Variants in COPB1 observed in about 807,000 individuals in gnomAD.
The protein encoded by COPB1 is coatomer subunit beta.
A neutral mutation model predicts 108.7 loss-of-function variants in COPB1; 21 were observed. That is an observed-to-expected ratio of 0.19 (90% CI 0.14 to 0.28). The LOEUF is 0.28. Among genes scored for constraint, COPB1 ranks in the 10% least tolerant of loss-of-function variants. The pLI, the probability that COPB1 is intolerant of heterozygous loss-of-function variation, is 1.00. For missense variants in COPB1, 919 were observed against 1,141.3 expected (o/e 0.81, Z 2.81); for synonymous variants, 378 against 386.8 (o/e 0.98, Z 0.27).
chr11:14,458,615 C>T lies in COPB1; in HGVS notation c.2719G>A (p.Ala907Thr). 6.2e-7 allele frequency: 1 copy of T among 1,613,908 alleles called. No individual in the cohort carries two copies. Among genetic ancestry groups the T allele is most frequent in the South Asian group, 1.1e-5 (1 of 91,052 alleles). ...ARSIFGEDAL[A>T]NVSIEKPIHQ... is the part of the protein sequence containing the mutation. ...ATTGGCTTCTCAATGCTGACATTTG[C>T]AAGTGCATCTTCACCAAATATGGAA... The change falls in exon 21 of 22, where the codon GCA becomes ACA. Residue 907 changes from alanine (A) to threonine (T), a missense_variant. Coordinates refer to ENST00000439561, the MANE Select transcript of COPB1 (RefSeq NM_001144061.2).
chr11:14,490,501 T>A, intron 5 of COPB1, 64 bp downstream of exon 5: 1 of 869,804 alleles, frequency 1.1e-6, no homozygotes, highest in Non-Finnish European at 1.8e-6. Context: ...TGATTAAGTC[T>A]ATGTAATACT....
At chr11:14,493,594 G>GACT in intron 4 of COPB1, 48 bp downstream of exon 4, 1 of 1,497,518 alleles carries the variant, frequency 6.7e-7, no homozygotes, top group South Asian at 1.4e-5. Flanking sequence ...TAGTCTAAAA[G>GACT]ACTAAACAGT....
chr11:14,494,657 A>G, intron 2 of COPB1: 1 of 437,018 alleles, frequency 2.3e-6, no homozygotes, highest in Non-Finnish European at 4.1e-6. Flanking sequence ...CAGACTCTTT[A>G]TATATAATAT....
intron 21 of COPB1, 84 bp from the exon 22 acceptor site, chr11:14,457,967 A>T (rs1850064368): frequency 1.4e-6 from 1 of 718,674 alleles, no homozygotes; most frequent in Non-Finnish European, 2.2e-6. Context: ...CCCCAATTCA[A>T]TTCAATGACA....
intron 15 of COPB1, 63 bp downstream of exon 15, chr11:14,469,273 A>G (rs1850353774): frequency 6.7e-6 from 9 of 1,343,444 alleles, no homozygotes; most frequent in Non-Finnish European, 8.5e-6. Context: ...CTGGGATTAC[A>G]GGCGTGAGCC....
At position 14,482,262 on chromosome 11, in the gene COPB1, G is replaced by T. The variant is rs148101092; in HGVS notation, c.957+770C>A. 8.5e-5 allele frequency among the ~76,000 whole-genome samples: 13 copies of T among 152,156 alleles called. No individual in the cohort carries two copies. In the East Asian group the frequency reaches 2.1e-3, roughly 25 times the overall value. On this transcript the variant is annotated intron_variant, in intron 8 of 21. Transcript: ENST00000439561. ...ATCTGTCCCAATAATGTCCTTCATA[G>T]AAATTTGTTGTTGCTGTTGTTCTGA... is the stretch of plus-strand genomic sequence containing the variant.
At chr11:14,494,741 A>C in intron 2 of COPB1, 1 of 246,828 alleles carries the variant, frequency 4.1e-6, no homozygotes, top group South Asian at 1.4e-4. Flanking sequence ...CAGTCATACC[A>C]AGTAAACGTG....
chr11:14,485,761 T>C (rs1207335718), intron 7 of COPB1, among the ~76,000 whole-genome samples: 1 of 152,046 alleles, frequency 6.6e-6, no homozygotes, highest in Non-Finnish European at 1.5e-5. Flanking sequence ...GGCAGGAGAA[T>C]TGCTTAAACC....
chr11:14,495,786 A>G (rs1442289196), intron 2 of COPB1, among the ~76,000 whole-genome samples: 1 of 152,230 alleles, frequency 6.6e-6, no homozygotes, highest in Non-Finnish European at 1.5e-5. Context: ...CTAAGGGCAG[A>G]TTTTATTCTT....
chr11:14,468,934 C>A, intron 15 of COPB1, 74 bp from the exon 16 acceptor site: 2 of 1,238,274 alleles, frequency 1.6e-6, no homozygotes, highest in Non-Finnish European at 1.1e-6. Context: ...ACAGAGACAG[C>A]CCTCACATAT....
chr11:14,479,904 A>C (rs1321765893), intron 10 of COPB1, among the ~76,000 whole-genome samples, 190 bp from the exon 11 acceptor site: 1 of 152,122 alleles, frequency 6.6e-6, no homozygotes, highest in Non-Finnish European at 1.5e-5. Context: ...CTTGGGCTCA[A>C]GTGATCCTCT....
chr11:14,468,921 T>C, intron 15 of COPB1, 61 bp from the exon 16 acceptor site: 2 of 1,412,588 alleles, frequency 1.4e-6, no homozygotes, highest in Non-Finnish European at 9.8e-7. Flanking sequence ...TTAGAGGCTT[T>C]TGACAGAGAC....
chr11:14,486,281 C>G, intron 7 of COPB1, 86 bp downstream of exon 7: 1 of 1,459,726 alleles, frequency 6.9e-7, no homozygotes. Flanking sequence ...CATGTAACCA[C>G]ATAGTGAATT....
chr11:14,488,496 T>C lies in COPB1; in HGVS notation c.695A>G (p.Tyr232Cys), dbSNP rs2134122509. ...ATCATAGATTATCATTCTTACCTTA[T>C]AAATCAGTTCAACAATAACCAGCTG... Reference protein sequence around the residue: ...ILQLVIVELIYKVCHANPSER... With the variant: ...ILQLVIVELICKVCHANPSER... Residue 232 changes from tyrosine to cysteine, a missense_variant, in exon 6 of 22, where the codon TAT becomes TGT. Around this residue, in one of 5 missense-constraint regions of COPB1, gnomAD observed 22 missense variants for 61.0 expected, o/e 0.36. Coordinates refer to ENST00000439561, the MANE Select transcript of COPB1 (RefSeq NM_001144061.2). The C allele has an allele frequency of 6.3e-7, 1 of 1,599,400 alleles. No individual in the cohort carries two copies. Among genetic ancestry groups the C allele is most frequent in the East Asian group, 2.2e-5 (1 of 44,626 alleles).
intron 11 of COPB1, among the ~76,000 whole-genome samples, chr11:14,477,315 G>A (rs891992571): frequency 7.1e-6 from 1 of 140,760 alleles, no homozygotes; most frequent in South Asian, 2.2e-4. Flanking sequence ...ACCCATTCTC[G>A]GGAAGCGGAG....
At chr11:14,468,453 T>G (rs892934538) in intron 16 of COPB1, among the ~76,000 whole-genome samples, 4 of 152,230 alleles carry the variant, frequency 2.6e-5, no homozygotes, top group African/African-American at 9.6e-5. Context: ...TATTTATTGG[T>G]CTATGATTCC....
chr11:14,475,661 C>CT, intron 13 of COPB1, 124 bp downstream of exon 13: 1 of 1,009,588 alleles, frequency 9.9e-7, no homozygotes, highest in Non-Finnish European at 1.3e-6. Context: ...TCTCAAGTAC[C>CT]TTAAATGGCA....
In COPB1 at chr11:14,475,936, C is replaced by A; in HGVS notation, c.1465G>T (p.Val489Leu). 1 of 1,598,408 alleles carries A rather than the reference C, an allele frequency of 6.3e-7. No individual in the cohort carries two copies. The highest frequency in any genetic ancestry group is 1.4e-5 in the African/African-American group (1 of 73,920). The change falls in exon 13 of 22, where the codon GTA (valine) becomes TTA (leucine). Residue 489 changes from valine (V) to leucine (L), a missense_variant. Transcript: ENST00000439561. The stretch of plus-strand genomic sequence containing the variant: ...GCTTCTTTCTTTATTTCTGACTCTA[C>A]AATTGGGATCTAAAAGTCAATTGGA... Reference protein sequence around the residue: ...IRRSLGEIPIVESEIKKEAGE... With the variant: ...IRRSLGEIPILESEIKKEAGE...
In COPB1 at chr11:14,475,784, C is replaced by A; in HGVS notation, c.1616+1G>T. ...GGCAGGGTATATGTGCCATAAATTACCTGTCTTCCTCTTTCTTGGTGGGTC... is the reference window on the plus strand; with the variant it reads ...GGCAGGGTATATGTGCCATAAATTAACTGTCTTCCTCTTTCTTGGTGGGTC... On this transcript the variant is annotated splice_donor_variant, in intron 13 of 21. Coordinates refer to ENST00000439561, the MANE Select transcript of COPB1 (RefSeq NM_001144061.2). LOFTEE classifies it high-confidence loss of function. The A allele has an allele frequency of 1.3e-6, 2 of 1,551,286 alleles. No homozygotes were observed. Among genetic ancestry groups the A allele is most frequent in the East Asian group, 2.3e-5 (1 of 42,892 alleles).
Sources: gnomAD v4.1 joint callset for allele counts (sites outside exome capture counted in the v4.1 genomes callset) on GRCh38, gnomAD v4.1.1 for gene constraint, gnomAD v4.1.1 regional missense constraint, MANE v1.5 for transcripts, NCBI Gene and HGNC (gene_info 2026-07-23, HGNC 2026-07-21) for gene names.